The following TACR1 variants were observed in gnomAD, a reference collection of about 807,000 sequenced individuals.
TACR1 encodes tachykinin receptor 1, also known as substance-P receptor.
In TACR1, 25 loss-of-function variants were observed where a neutral mutation model predicts 35.8. The observed-to-expected ratio is 0.70, with a 90% CI of 0.51 to 0.98. The LOEUF is 0.98. Among genes scored for constraint, TACR1 ranks in the 50% least tolerant of loss-of-function variants. The pLI, the probability that TACR1 is intolerant of heterozygous loss-of-function variation, is 0.00. For synonymous variants in TACR1, 195 were observed against 206.7 expected, an observed-to-expected ratio of 0.94 and a Z score of 0.48; for missense variants, 478 against 522.9, an observed-to-expected ratio of 0.91 and a Z score of 0.84.
chr2:75,129,702 T>G (rs190379661), intron 1 of TACR1, among the ~76,000 whole-genome samples: 1 of 152,346 alleles, frequency 6.6e-6, no homozygotes, highest in East Asian at 1.9e-4. Flanking sequence ...ATCCATTCCA[T>G]TGGGCCTGGC....
intron 2 of TACR1, among the ~76,000 whole-genome samples, chr2:75,114,343 T>A (rs1189915799): frequency 6.6e-6 from 1 of 152,188 alleles, no homozygotes; most frequent in African/African-American, 2.4e-5. Flanking sequence ...AAGCAGAAAT[T>A]CCCAGCTTGT....
intron 2 of TACR1, among the ~76,000 whole-genome samples, chr2:75,120,016 C>G (rs1437728205): frequency 1.3e-5 from 2 of 152,150 alleles, no homozygotes; most frequent in Admixed American, 6.5e-5. Flanking sequence ...ACACACTCCC[C>G]TGAGGGGTGA....
chr2:75,174,978 C>T (rs190099608), intron 1 of TACR1, among the ~76,000 whole-genome samples: 32 of 152,240 alleles, frequency 2.1e-4, no homozygotes, highest in African/African-American at 7.5e-4. Context: ...GATCAGAATC[C>T]CAATAGTTTA....
chr2:75,162,210 CACTT>C (rs1653191528), intron 1 of TACR1, among the ~76,000 whole-genome samples: 3 of 152,230 alleles, frequency 2.0e-5, no homozygotes, highest in South Asian at 2.1e-4. Flanking sequence ...TGCTCTGTGA[CACTT>C]ACAAATTCAA....
intron 1 of TACR1, among the ~76,000 whole-genome samples, chr2:75,121,677 A>G (rs1260857083): frequency 6.6e-6 from 1 of 152,260 alleles, no homozygotes; most frequent in Non-Finnish European, 1.5e-5. Context: ...ATTTTAAAAG[A>G]CATCTCTCTC....
At chr2:75,068,576 A>G (rs1030070120) in intron 2 of TACR1, among the ~76,000 whole-genome samples, 5 of 152,212 alleles carry the variant, frequency 3.3e-5, no homozygotes, top group Admixed American at 2.0e-4. Context: ...TGACACTGAT[A>G]CAGTGTTTCC....
chr2:75,128,647 A>C (rs971274164), intron 1 of TACR1, among the ~76,000 whole-genome samples: 3 of 152,110 alleles, frequency 2.0e-5, no homozygotes, highest in Non-Finnish European at 4.4e-5. Context: ...AGGAAGACAG[A>C]GCGCGCATTT....
chr2:75,098,181 T>G (rs1313576696), intron 2 of TACR1, among the ~76,000 whole-genome samples: 1 of 152,184 alleles, frequency 6.6e-6, no homozygotes, highest in African/African-American at 2.4e-5. Context: ...CTTAATAATT[T>G]GATATATTCC....
chr2:75,177,249 G>A (rs540771079), intron 1 of TACR1, among the ~76,000 whole-genome samples: 6 of 151,874 alleles, frequency 4.0e-5, no homozygotes, highest in Admixed American at 2.0e-4. Flanking sequence ...ATTCCCTCTC[G>A]TTCGTTGGAC....
chr2:75,150,946 T>C (rs890150615), intron 1 of TACR1, among the ~76,000 whole-genome samples: 1 of 152,172 alleles, frequency 6.6e-6, no homozygotes, highest in Non-Finnish European at 1.5e-5. Flanking sequence ...TCTTGTTATG[T>C]TTTAGCAAAG....
chr2:75,114,168 G>A (rs1052010657), intron 2 of TACR1, among the ~76,000 whole-genome samples: 5 of 152,104 alleles, frequency 3.3e-5, no homozygotes, highest in Non-Finnish European at 5.9e-5. Flanking sequence ...TTAAATGAAC[G>A]ATTCTGTTTT....
intron 2 of TACR1, among the ~76,000 whole-genome samples, chr2:75,081,778 A>G (rs949186945): frequency 6.6e-6 from 1 of 152,132 alleles, no homozygotes; most frequent in Non-Finnish European, 1.5e-5. Context: ...ATTTATTAGC[A>G]TGACCTATAA....
Position 75,051,551 on chromosome 2 carries a change from C to T in TACR1, c.736-104G>A, listed in dbSNP as rs538905281. ...TCACTGTGCACAGTATGGGATGAAG[C>T]GAGAAGTATTTAAAAGACGCCCCTT... On this transcript the variant is annotated intron_variant, in intron 3 of 4. Coordinates refer to ENST00000305249, the MANE Select transcript of TACR1 (RefSeq NM_001058.4). 76 of 1,531,662 alleles carry T rather than the reference C, an allele frequency of 5.0e-5. 1 individual carries two copies. The East Asian group carries it at 6.8e-4, about 14-fold the overall frequency. 94.9% of individuals were successfully genotyped at this position (1,531,662 alleles called of 1,614,324 possible). A position where few individuals can be genotyped will look rare whatever the true frequency, so the allele number is the denominator to read the frequency against.
At chr2:75,097,366 A>G (rs1376421802) in intron 2 of TACR1, among the ~76,000 whole-genome samples, 1 of 129,698 alleles carries the variant, frequency 7.7e-6, no homozygotes, top group Non-Finnish European at 1.6e-5. Flanking sequence ...CAGCAACACC[A>G]TTTCTTCATT....
At chr2:75,075,972 TC>T (rs1558544481) in intron 2 of TACR1, among the ~76,000 whole-genome samples, 1 of 152,172 alleles carries the variant, frequency 6.6e-6, no homozygotes, top group Non-Finnish European at 1.5e-5. Flanking sequence ...ATAAAGCAAA[TC>T]CCAACAGAAT....
At chr2:75,071,099 G>A (rs73935520) in intron 2 of TACR1, among the ~76,000 whole-genome samples, 5,591 of 152,258 alleles carry the variant, frequency 0.037, 342 homozygotes, top group African/African-American at 0.13. Context: ...GGCTGTTTTC[G>A]TGCTCTGGTG....
At chr2:75,160,285 C>T (rs1272759134) in intron 1 of TACR1, among the ~76,000 whole-genome samples, 1 of 150,738 alleles carries the variant, frequency 6.6e-6, no homozygotes, top group African/African-American at 2.4e-5. Flanking sequence ...ATTATGAGTA[C>T]GTATTATAAA....
chr2:75,073,122 C>T (rs1445226368), intron 2 of TACR1, among the ~76,000 whole-genome samples: 2 of 152,188 alleles, frequency 1.3e-5, no homozygotes, highest in African/African-American at 2.4e-5. Flanking sequence ...AATAGGGACC[C>T]GGTGTTTGGA....
At chr2:75,096,368 G>A (rs527867867) in intron 2 of TACR1, among the ~76,000 whole-genome samples, 2 of 152,184 alleles carry the variant, frequency 1.3e-5, no homozygotes, top group African/African-American at 4.8e-5. Context: ...TCAGAGTCCA[G>A]TTTGAAAATG....
Sources: allele counts gnomAD v4.1 joint callset (sites outside exome capture counted in the v4.1 genomes callset), GRCh38; gene constraint gnomAD v4.1.1; transcripts MANE v1.5; gene names NCBI Gene and HGNC (gene_info 2026-07-23, HGNC 2026-07-21).